SPTA1: variants seen among roughly 807,000 people sequenced by gnomAD.
The protein encoded by SPTA1 is spectrin alpha chain, erythrocytic 1.
Under a neutral mutation model 324.7 loss-of-function variants are expected in SPTA1, and 177 were observed. The observed-to-expected ratio is 0.55, with a 90% CI of 0.48 to 0.62. The LOEUF (loss-of-function observed/expected upper bound fraction) is 0.62. SPTA1 is among the 20% of genes least tolerant of loss of function. The pLI is 0.00. For missense variants in SPTA1, 3,162 were observed against 2,883.6 expected, an observed-to-expected ratio of 1.10 and a Z score of -2.21; for synonymous variants, 1,195 against 1,041.3, an observed-to-expected ratio of 1.15 and a Z score of -2.84.
At chr1:158,634,794 T>G in intron 38 of SPTA1, 119 bp from the exon 39 acceptor site, 1 of 1,195,904 alleles carries the variant, frequency 8.4e-7, no homozygotes, top group South Asian at 1.3e-5. Context: ...GCAGCCACAG[T>G]TGAAGTGGGC....
At position 158,651,727 on chromosome 1, in the gene SPTA1, C is replaced by T. The variant is rs141381837; in HGVS notation, c.3376-259G>A. On this transcript the variant is annotated intron_variant, in intron 23 of 51. Transcript: ENST00000643759. ...GCCATTTTTCTAGATTTCTTAAAAT[C>T]TCCCCTGGATTAAATTATACCATTA... Among the ~76,000 whole-genome samples, 525 of 152,264 alleles carry T rather than the reference C, an allele frequency of 3.4e-3. 1 individual carries two copies. Among genetic ancestry groups the T allele is most frequent in the Non-Finnish European group, 4.7e-3 (318 of 68,028 alleles).
intron 39 of SPTA1, 135 bp downstream of exon 39, chr1:158,634,408 T>C: frequency 7.5e-7 from 1 of 1,331,228 alleles, no homozygotes; most frequent in South Asian, 1.2e-5. Flanking sequence ...TATTTAAAAC[T>C]GTCAGGATTA....
chr1:158,614,136 T>A (rs1649415882), intron 49 of SPTA1, 117 bp downstream of exon 49: 2 of 898,568 alleles, frequency 2.2e-6, no homozygotes, highest in Admixed American at 4.5e-5. Context: ...AATGAGCATA[T>A]CTAGATCTTC....
intron 39 of SPTA1, among the ~76,000 whole-genome samples, chr1:158,631,858 G>A (rs762098287): frequency 8.4e-4 from 128 of 152,212 alleles, no homozygotes; most frequent in Non-Finnish European, 1.1e-3. Flanking sequence ...ATGCAAAATG[G>A]CACAGCTGTT....
Position 158,619,255 on chromosome 1 carries a change from G to A in SPTA1, c.6497C>T (p.Ala2166Val). ...CAGGATCCATTGAAGGAAGGTACTG[G>A]CATTCTGTTCAAACTCCTGACACAT... is the stretch of plus-strand genomic sequence containing the variant. ...FEMCQEFEQN[A>V]STFLQWILET... Residue 2166 changes from alanine to valine, a missense_variant, in exon 45 of 52, where the codon GCC (alanine) becomes GTC (valine). Physicochemically the swap from Ala to Val is moderately conservative, Grantham distance 64. Coordinates refer to ENST00000643759, the MANE Select transcript of SPTA1 (RefSeq NM_003126.4). The A allele has an allele frequency of 6.2e-7, 1 of 1,614,060 alleles. No individual in the cohort carries two copies. The highest frequency in any genetic ancestry group is 1.1e-5 in the South Asian group (1 of 91,070).
intron 43 of SPTA1, among the ~76,000 whole-genome samples, chr1:158,622,543 G>T (rs1332684244): frequency 6.6e-6 from 1 of 152,150 alleles, no homozygotes; most frequent in African/African-American, 2.4e-5. Context: ...GGATATCAAG[G>T]TTTAGAGATA....
intron 24 of SPTA1, among the ~76,000 whole-genome samples, chr1:158,650,921 CTG>C (rs1368658016): frequency 1.3e-5 from 2 of 152,148 alleles, no homozygotes; most frequent in Non-Finnish European, 2.9e-5. Flanking sequence ...GATATAGAAA[CTG>C]AGGTTTTTAG....
At chr1:158,617,671 G>T in intron 46 of SPTA1, 83 bp from the exon 47 acceptor site, 1 of 1,327,602 alleles carries the variant, frequency 7.5e-7, no homozygotes, top group Non-Finnish European at 1.1e-6. Flanking sequence ...AAGCTCCTCT[G>T]TTTCAACTTC....
chr1:158,616,855 T>G (rs531286589), intron 47 of SPTA1, among the ~76,000 whole-genome samples: 1 of 152,354 alleles, frequency 6.6e-6, no homozygotes, highest in African/African-American at 2.4e-5. Context: ...CCATAGTGGC[T>G]GTACTATTTC....
Position 158,617,578 on chromosome 1 carries a change from T to C in SPTA1, c.6559A>G (p.Lys2187Glu), listed in dbSNP as rs111980420. 1.6e-3 allele frequency: 2,639 copies of C among 1,613,230 alleles called. 37 individuals are homozygous for C. The African/African-American group carries it at 0.031, about 19-fold the overall frequency. The change falls in exon 47 of 52, where the codon AAA becomes GAA. Residue 2187 changes from lysine to glutamate, a missense_variant. Coordinates refer to ENST00000643759, the MANE Select transcript of SPTA1 (RefSeq NM_003126.4). ...RAYFLDGSLL[K>E]ETGTLESQLE... ...TGAGATTCCAGAGTTCCTGTTTCTTTGAGCAATGATCTAGTTAAGAACCGA... is the reference window on the plus strand; with the variant it reads ...TGAGATTCCAGAGTTCCTGTTTCTTCGAGCAATGATCTAGTTAAGAACCGA...
chr1:158,614,487 T>C, intron 48 of SPTA1, 181 bp from the exon 49 acceptor site: 1 of 560,274 alleles, frequency 1.8e-6, no homozygotes, highest in Non-Finnish European at 3.2e-6. Flanking sequence ...TTTTGTACAG[T>C]CCATGAGCCA....
intron 37 of SPTA1, 54 bp from the exon 38 acceptor site, chr1:158,636,088 G>A (rs1651050089): frequency 6.2e-7 from 1 of 1,613,762 alleles, no homozygotes; most frequent in Non-Finnish European, 8.5e-7. Flanking sequence ...TCCCCATTTA[G>A]CCATAGTCCC....
Position 158,653,423 on chromosome 1 carries a change from G to A in SPTA1, c.3039C>T (p.Asp1013=). Residue 1013 remains aspartate (D), a splice_region_variant and synonymous_variant, in exon 22 of 52, where the codon GAC becomes GAT. Transcript: ENST00000643759. ...GATCAGCAGCTTCCACCTTCCACCA[G>A]TCCTGAAGGGAGAGCAGATCCCCAC... ...VLTLLSSINK[D]WWKVEAADHQ... 1 of 1,613,966 alleles carries A rather than the reference G, an allele frequency of 6.2e-7. No individual in the cohort carries two copies. The highest frequency in any genetic ancestry group is 8.5e-7 in the Non-Finnish European group (1 of 1,179,986).
chr1:158,643,708 AT>A (rs1349106318), intron 30 of SPTA1, among the ~76,000 whole-genome samples: 3 of 152,164 alleles, frequency 2.0e-5, no homozygotes, highest in Non-Finnish European at 4.4e-5. Context: ...TGAAATGACT[AT>A]TTAATCAATC....
intron 43 of SPTA1, among the ~76,000 whole-genome samples, chr1:158,621,173 G>T (rs1473566757): frequency 6.6e-6 from 1 of 152,060 alleles, no homozygotes; most frequent in Non-Finnish European, 1.5e-5. Flanking sequence ...CTGTATTACT[G>T]AATGACAGAA....
intron 18 of SPTA1, 61 bp from the exon 19 acceptor site, chr1:158,657,755 C>T: frequency 2.7e-6 from 4 of 1,502,250 alleles, no homozygotes; most frequent in African/African-American, 1.4e-5. Context: ...ATACTCTAAT[C>T]CTTTTGGTAC....
At chr1:158,614,174 G>A in intron 49 of SPTA1, 79 bp downstream of exon 49, 1 of 1,162,428 alleles carries the variant, frequency 8.6e-7, no homozygotes, top group Non-Finnish European at 1.3e-6. Context: ...GCCTCACAGA[G>A]TGAGAGAAAC....
chr1:158,644,697 C>A (rs180829912), intron 29 of SPTA1, among the ~76,000 whole-genome samples: 20 of 152,242 alleles, frequency 1.3e-4, no homozygotes, highest in Admixed American at 9.8e-4. Flanking sequence ...TTCAGGGTAG[C>A]CTGTGACACA....
At chr1:158,642,639 A>T in intron 32 of SPTA1, 97 bp from the exon 33 acceptor site, 2 of 1,579,992 alleles carry the variant, frequency 1.3e-6, no homozygotes, top group Non-Finnish European at 1.7e-6. Flanking sequence ...TATTTCTATC[A>T]TAACTGAGGT....
Sources: allele counts gnomAD v4.1 joint callset (sites outside exome capture counted in the v4.1 genomes callset), GRCh38; gene constraint gnomAD v4.1.1; transcripts MANE v1.5; gene names NCBI Gene and HGNC (gene_info 2026-07-23, HGNC 2026-07-21).